GAPDHS: variants seen among roughly 807,000 people sequenced by gnomAD.
GAPDHS encodes glyceraldehyde-3-phosphate dehydrogenase, testis-specific.
Under a neutral mutation model 48.7 loss-of-function variants are expected in GAPDHS, and 42 were observed. The observed-to-expected ratio is 0.86, with a 90% CI of 0.67 to 1.12. GAPDHS has a LOEUF of 1.12. Among genes scored for constraint, GAPDHS ranks in the 50% most tolerant of loss-of-function variants. GAPDHS has a pLI of 0.00. For missense variants in GAPDHS, 512 were observed against 557.7 expected (o/e 0.92, Z 0.82); for synonymous variants, 166 against 219.1 (o/e 0.76, Z 2.14).
rs527908382 is a variant in GAPDHS at position 35,542,126 on chromosome 19, G to C, written c.450-193G>C. The C allele has an allele frequency of 2.1e-3, 1,248 of 598,782 alleles. 2 individuals carry two copies. The highest frequency in any genetic ancestry group is 3.3e-3 in the Non-Finnish European group (1,087 of 333,044). 37.1% of individuals were successfully genotyped at this position (598,782 alleles called of 1,614,324 possible). A position where few individuals can be genotyped will look rare whatever the true frequency, so the allele number is the denominator to read the frequency against. On this transcript the variant is annotated intron_variant, in intron 4 of 10. Transcript: ENST00000222286. ...GCAATCAGCAAAGGGAAAGTGGTCT[G>C]AAGTGGGGCAGTGGTGAAAAGCTAG...
At chr19:35,534,183 CCGCGCG>C (rs10532876) in intron 1 of GAPDHS, among the ~76,000 whole-genome samples, 1 of 151,644 alleles carries the variant, frequency 6.6e-6, no homozygotes, top group Non-Finnish European at 1.5e-5. Context: ...GGCGGCGCGC[CCGCGCG>C]CGCGCACACA....
At chr19:35,533,622 G>T (rs2071446363) in intron 1 of GAPDHS, 28 bp downstream of exon 1, 3 of 1,585,736 alleles carry the variant, frequency 1.9e-6, no homozygotes, top group African/African-American at 1.3e-5. Flanking sequence ...GGGCGCGGGG[G>T]AGGGGTGGAA....
Position 35,542,399 on chromosome 19 carries a change from A to G in GAPDHS, c.530A>G (p.Gln177Arg). The G allele has an allele frequency of 6.2e-7, 1 of 1,611,940 alleles. No individual in the cohort carries two copies. The highest frequency in any genetic ancestry group is 1.3e-5 in the African/African-American group (1 of 74,976). ...TCCACAGGCGTGTACCTCTCCATAC[A>G]GGCAGCTTCGGTAAGCTGGGGAGAG... The part of the protein sequence containing the change: ...VESTGVYLSI[Q>R]AASDHISAGA... The change falls in exon 5 of 11, where the codon CAG becomes CGG. Residue 177 changes from glutamine to arginine, a missense_variant. Transcript: ENST00000222286.
At chr19:35,542,629 C>A in intron 6 of GAPDHS, 21 bp downstream of exon 6, 1 of 1,490,378 alleles carries the variant, frequency 6.7e-7, no homozygotes, top group Non-Finnish European at 9.4e-7. Flanking sequence ...CAGTGACATC[C>A]TGCAATGTGT....
chr19:35,536,346 G>A (rs1568681186), intron 1 of GAPDHS, among the ~76,000 whole-genome samples: 3 of 151,958 alleles, frequency 2.0e-5, no homozygotes, highest in Non-Finnish European at 4.4e-5. Flanking sequence ...TTGGGAGGCT[G>A]AGGCGGGTGG....
intron 4 of GAPDHS, among the ~76,000 whole-genome samples, chr19:35,540,172 C>T (rs1307611767): frequency 6.6e-6 from 1 of 152,258 alleles, no homozygotes; most frequent in Non-Finnish European, 1.5e-5. Context: ...ATGGAGTGAA[C>T]ATGTGTTTGT....
chr19:35,542,768 C>T, intron 6 of GAPDHS, 160 bp downstream of exon 6: 2 of 724,364 alleles, frequency 2.8e-6, no homozygotes, highest in East Asian at 2.6e-5. Flanking sequence ...CTTGGGGAGC[C>T]TCCCCAGCTG....
chr19:35,535,092 T>C (rs1444600814), intron 1 of GAPDHS, among the ~76,000 whole-genome samples: 1 of 152,190 alleles, frequency 6.6e-6, no homozygotes, highest in Non-Finnish European at 1.5e-5. Context: ...ATTAACTTGC[T>C]CAAATCCACA....
intron 9 of GAPDHS, chr19:35,544,504 C>G (rs1487325631): frequency 4.9e-6 from 1 of 205,456 alleles, no homozygotes; most frequent in African/African-American, 2.3e-5. Context: ...AGGGCTAAAA[C>G]CCTCAGGTCC....
chr19:35,539,542 C>T (rs1225585478), intron 4 of GAPDHS, among the ~76,000 whole-genome samples: 1 of 152,112 alleles, frequency 6.6e-6, no homozygotes. Flanking sequence ...GGGGCTTTTA[C>T]ACATACACAC....
rs147205628 is a variant in GAPDHS at position 35,543,359 on chromosome 19, C to T, written c.761C>T (p.Thr254Met). ...CCCAAGACCACAGTCCATTCCTACA[C>T]GGCCACCCAGAAGACAGTGGACGGG... ...EGLMTTVHSY[T>M]ATQKTVDGPS... Residue 254 changes from threonine (T) to methionine (M), a missense_variant, in exon 8 of 11, where the codon ACG becomes ATG. Transcript: ENST00000222286. The T allele has an allele frequency of 4.3e-6, 7 of 1,612,722 alleles. No homozygotes were observed. In the Admixed American group the frequency reaches 6.7e-5, roughly 15 times the overall value.
At chr19:35,545,069 C>A in intron 10 of GAPDHS, 29 bp from the exon 11 acceptor site, 1 of 1,610,298 alleles carries the variant, frequency 6.2e-7, no homozygotes. Context: ...GAAGGAACCC[C>A]CTTGAACCTC....
chr19:35,539,762 A>G (rs1046557376), intron 4 of GAPDHS, among the ~76,000 whole-genome samples: 2 of 152,140 alleles, frequency 1.3e-5, no homozygotes, highest in Admixed American at 6.5e-5. Flanking sequence ...AGAGTCAGTG[A>G]AAATTGAAGA....
chr19:35,539,095 C>T (rs1169463904), intron 4 of GAPDHS, among the ~76,000 whole-genome samples: 1 of 152,120 alleles, frequency 6.6e-6, no homozygotes, highest in Non-Finnish European at 1.5e-5. Context: ...TGAGGTCTTG[C>T]CATCTGGCCC....
rs1187097534 is a variant in GAPDHS at position 35,543,046 on chromosome 19, C to T, written c.741+20C>T. 1 of 1,575,270 alleles carries T rather than the reference C, an allele frequency of 6.3e-7. No individual in the cohort carries two copies. ...TTGATGGTGAGTTGAGGATGAGGGG[C>T]TGGGGCAGGAAGGATGGCAGGGAAA... On this transcript the variant is annotated intron_variant, in intron 7 of 10. Coordinates refer to ENST00000222286, the MANE Select transcript of GAPDHS (RefSeq NM_014364.5).
At chr19:35,535,980 T>G (rs1048207594) in intron 1 of GAPDHS, among the ~76,000 whole-genome samples, 2 of 151,616 alleles carry the variant, frequency 1.3e-5, no homozygotes, top group African/African-American at 4.8e-5. Flanking sequence ...CCTCAAGTGA[T>G]CCACCCACCT....
intron 1 of GAPDHS, among the ~76,000 whole-genome samples, chr19:35,533,958 T>C (rs893639326): frequency 1.3e-5 from 2 of 152,136 alleles, no homozygotes; most frequent in African/African-American, 2.4e-5. Flanking sequence ...GTAAAAGTGA[T>C]GTTCATGGCG....
intron 2 of GAPDHS, 97 bp from the exon 3 acceptor site, chr19:35,538,210 C>A: frequency 1.2e-6 from 1 of 800,954 alleles, no homozygotes; most frequent in Admixed American, 2.2e-5. Context: ...TTGTTGCCTT[C>A]TTCCCCTGGA....
Position 35,533,608 on chromosome 19 carries a change from C to T in GAPDHS, c.67+14C>T, listed in dbSNP as rs377708713. 16 of 1,601,322 alleles carry T rather than the reference C, an allele frequency of 1.0e-5. No homozygotes were observed. The African/African-American group carries it at 1.1e-4, about 11-fold the overall frequency. The stretch of plus-strand genomic sequence containing the variant: ...AGCCGTGCCCGGGTGAGGGAGGCAG[C>T]GGAGGGCGCGGGGGAGGGGTGGAAA... On this transcript the variant is annotated intron_variant, in intron 1 of 10. Transcript: ENST00000222286.
Sources: allele counts gnomAD v4.1 joint callset (sites outside exome capture counted in the v4.1 genomes callset), GRCh38; gene constraint gnomAD v4.1.1; transcripts MANE v1.5; gene names NCBI Gene and HGNC (gene_info 2026-07-23, HGNC 2026-07-21).